The following CPNE2 variants were observed in gnomAD, a reference collection of about 807,000 sequenced individuals.
CPNE2 encodes the protein copine 2.
In CPNE2, 42 loss-of-function variants were observed where a neutral mutation model predicts 69.7. The ratio of observed to expected loss-of-function variants is 0.60; its 90% CI spans 0.47 to 0.78. The LOEUF (loss-of-function observed/expected upper bound fraction) is 0.78, where lower values mean the gene tolerates loss of function less well. Among genes scored for constraint, CPNE2 ranks in the 30% least tolerant of loss-of-function variants. The probability of loss-of-function intolerance (pLI) is 0.00; values close to 1 mark genes in which losing one functional copy is unlikely to be tolerated. For missense variants in CPNE2, 587 were observed against 732.0 expected, an observed-to-expected ratio of 0.80 and a Z score of 2.29; for synonymous variants, 294 against 289.8, an observed-to-expected ratio of 1.01 and a Z score of -0.15.
At chr16:57,103,009 G>A (rs1315851678) in intron 1 of CPNE2, among the ~76,000 whole-genome samples, 3 of 152,100 alleles carry the variant, frequency 2.0e-5, no homozygotes, top group Non-Finnish European at 2.9e-5. Flanking sequence ...AGAATTGCTG[G>A]GGATTCAGAC....
intron 12 of CPNE2, among the ~76,000 whole-genome samples, chr16:57,133,843 G>T (rs1230709950): frequency 6.6e-6 from 1 of 152,190 alleles, no homozygotes; most frequent in African/African-American, 2.4e-5. Context: ...CTTCCATTGG[G>T]GTGTTGTGAG....
chr16:57,101,537 G>A (rs370942345), intron 1 of CPNE2, among the ~76,000 whole-genome samples: 1 of 152,238 alleles, frequency 6.6e-6, no homozygotes, highest in African/African-American at 2.4e-5. Flanking sequence ...CTGGCTGGAA[G>A]CTCGGTGTGT....
chr16:57,100,663 T>G (rs1410660832), intron 1 of CPNE2, among the ~76,000 whole-genome samples: 1 of 152,204 alleles, frequency 6.6e-6, no homozygotes, highest in East Asian at 1.9e-4. Context: ...ACCTGGAGAA[T>G]GGGAGTGCTG....
At position 57,145,852 on chromosome 16, in the gene CPNE2, G is replaced by A; in HGVS notation, c.1303-233G>A. On this transcript the variant is annotated intron_variant, in intron 14 of 15. Coordinates refer to ENST00000290776, the MANE Select transcript of CPNE2 (RefSeq NM_152727.6). ...CTAAGATAACACACAGGGCAGGAGG[G>A]GAGAGCAGTTTGTACTTCCTGCTGT... The A allele has an allele frequency of 5.3e-6, 3 of 563,376 alleles. No individual in the cohort carries two copies. In the South Asian group the frequency reaches 6.0e-5, roughly 11 times the overall value. 34.9% of individuals were successfully genotyped at this position (563,376 alleles called of 1,614,324 possible). A position where few individuals can be genotyped will look rare whatever the true frequency, so the allele number is the denominator to read the frequency against.
At chr16:57,093,346 G>C (rs1010861479) in intron 1 of CPNE2, among the ~76,000 whole-genome samples, 1 of 152,146 alleles carries the variant, frequency 6.6e-6, no homozygotes, top group African/African-American at 2.4e-5. Flanking sequence ...TTGCAAACTA[G>C]TTTTTGCGAA....
intron 1 of CPNE2, among the ~76,000 whole-genome samples, chr16:57,108,306 G>A (rs1364687800): frequency 3.9e-5 from 6 of 152,296 alleles, no homozygotes; most frequent in Admixed American, 6.5e-5. Flanking sequence ...TACTTGCCTC[G>A]TAAGACTGAG....
intron 11 of CPNE2, among the ~76,000 whole-genome samples, chr16:57,126,488 G>A (rs1228051770): frequency 6.6e-6 from 1 of 152,132 alleles, no homozygotes; most frequent in African/African-American, 2.4e-5. Context: ...TTGCTTCCTG[G>A]GGACCTTTGG....
chr16:57,133,693 C>A (rs1055019596), intron 12 of CPNE2, among the ~76,000 whole-genome samples: 1 of 152,106 alleles, frequency 6.6e-6, no homozygotes, highest in Admixed American at 6.5e-5. Context: ...GGAGGAATGC[C>A]TTTGGAGGTT....
Position 57,121,203 on chromosome 16 carries a change from A to G in CPNE2, c.780+12A>G. 3 of 1,610,622 alleles carry G rather than the reference A, an allele frequency of 1.9e-6. No homozygotes were observed. The highest frequency in any genetic ancestry group is 2.5e-6 in the Non-Finnish European group (3 of 1,177,432). On this transcript the variant is annotated intron_variant, in intron 8 of 15. Transcript: ENST00000290776. ...GAGACAGCGTCCCGGTGAGATGGGCACGTGTACTGTAACCCCAAGACCTCA... is the reference window on the plus strand; with the variant it reads ...GAGACAGCGTCCCGGTGAGATGGGCGCGTGTACTGTAACCCCAAGACCTCA...
In CPNE2 at chr16:57,110,905, A is replaced by G. The variant is rs1645569032; in HGVS notation, c.163A>G (p.Asn55Asp). The change falls in exon 2 of 16, where the codon AAT becomes GAT. Residue 55 changes from asparagine to aspartate, a missense_variant. Physicochemically the swap from Asn to Asp is conservative, Grantham distance 23. This residue lies in a region of CPNE2 where 96 missense variants were observed against 94.9 expected (regional missense o/e 1.01). Coordinates refer to ENST00000290776, the MANE Select transcript of CPNE2 (RefSeq NM_152727.6). Reference protein sequence around the residue: ...DPFCVLFTENNGRWIEYDRTE... With the variant: ...DPFCVLFTENDGRWIEYDRTE... ...CTTCTGTGTCCTCTTTACAGAGAAC[A>G]ATGGCAGATGGATCGAGGTGAGGCT... 6 of 1,611,428 alleles carry G rather than the reference A, an allele frequency of 3.7e-6. No homozygotes were observed. The highest frequency in any genetic ancestry group is 5.1e-6 in the Non-Finnish European group (6 of 1,178,626).
chr16:57,096,961 A>C (rs1017094095), intron 1 of CPNE2, among the ~76,000 whole-genome samples: 2 of 152,010 alleles, frequency 1.3e-5, no homozygotes, highest in Non-Finnish European at 2.9e-5. Context: ...GAACAGGTAG[A>C]GGAAACAGCG....
intron 1 of CPNE2, chr16:57,094,154 T>C: frequency 4.4e-6 from 2 of 452,234 alleles, no homozygotes; most frequent in Non-Finnish European, 8.9e-6. Flanking sequence ...GGTTTCTCCA[T>C]GGAAAGAACC....
At position 57,123,435 on chromosome 16, in the gene CPNE2, C is replaced by G; in HGVS notation, c.889C>G (p.Leu297Val). 2 of 1,613,290 alleles carry G rather than the reference C, an allele frequency of 1.2e-6. No individual in the cohort carries two copies. Among genetic ancestry groups the G allele is most frequent in the Non-Finnish European group, 1.7e-6 (2 of 1,180,036 alleles). ...CCAGATAAACCGAGACTACTCCTTC[C>G]TTGACTACATCCTGGGAGGCTGCCA... is the stretch of plus-strand genomic sequence containing the variant. Reference protein sequence around the residue: ...SCKINRDYSFLDYILGGCQLM... With the variant: ...SCKINRDYSFVDYILGGCQLM... Residue 297 changes from leucine to valine, a missense_variant, in exon 10 of 16, where the codon CTT (leucine) becomes GTT (valine). By Grantham distance (32) the Leu-to-Val change is conservative (BLOSUM62 1). Around this residue, in one of 5 missense-constraint regions of CPNE2, gnomAD observed 269 missense variants for 300.5 expected, o/e 0.90. Transcript: ENST00000290776.
chr16:57,123,182 G>A, intron 9 of CPNE2: 1 of 564,602 alleles, frequency 1.8e-6, no homozygotes, highest in Admixed American at 3.0e-5. Flanking sequence ...ACCAGCATGT[G>A]TCTGTGTATC....
intron 1 of CPNE2, among the ~76,000 whole-genome samples, chr16:57,110,380 A>T (rs1192410714): frequency 6.6e-6 from 1 of 151,610 alleles, no homozygotes; most frequent in Non-Finnish European, 1.5e-5. Context: ...ACGCACCACC[A>T]TGTCTAGCTG....
chr16:57,107,279 C>T (rs1193003597), intron 1 of CPNE2, among the ~76,000 whole-genome samples: 1 of 152,182 alleles, frequency 6.6e-6, no homozygotes, highest in African/African-American at 2.4e-5. Flanking sequence ...GTAGTGCTGT[C>T]CTGATGCTCT....
chr16:57,136,780 G>A (rs2069884500), intron 13 of CPNE2, among the ~76,000 whole-genome samples: 1 of 152,172 alleles, frequency 6.6e-6, no homozygotes, highest in Non-Finnish European at 1.5e-5. Context: ...CAGGTGTGGT[G>A]GCACATGCCT....
At chr16:57,111,669 C>G (rs528346337) in intron 2 of CPNE2, among the ~76,000 whole-genome samples, 3 of 152,172 alleles carry the variant, frequency 2.0e-5, no homozygotes, top group Non-Finnish European at 4.4e-5. Context: ...GTAGCTGTCC[C>G]TTTCTGAACC....
chr16:57,116,299 G>A (rs2069718812), intron 4 of CPNE2, among the ~76,000 whole-genome samples: 1 of 152,014 alleles, frequency 6.6e-6, no homozygotes, highest in Admixed American at 6.5e-5. Context: ...AGCATATCCT[G>A]AACATACCTC....
Sources: allele counts gnomAD v4.1 joint callset (sites outside exome capture counted in the v4.1 genomes callset), GRCh38; gene constraint gnomAD v4.1.1; regional missense constraint gnomAD v4.1.1; transcripts MANE v1.5; gene names NCBI Gene and HGNC (gene_info 2026-07-23, HGNC 2026-07-21).